GLT6D1: variants seen among roughly 807,000 people sequenced by gnomAD.
GLT6D1 encodes the protein glycosyltransferase 6 domain containing 1.
In GLT6D1, 9 loss-of-function variants were observed where a neutral mutation model predicts 12.3. The observed-to-expected ratio is 0.73, with a 90% CI of 0.44 to 1.27. The LOEUF (loss-of-function observed/expected upper bound fraction) is 1.27, where lower values mean the gene tolerates loss of function less well. Ranked by LOEUF, GLT6D1 falls within the 50% of genes most tolerant of loss-of-function variation. The pLI is 0.00. For synonymous variants in GLT6D1, 128 were observed against 132.3 expected, an observed-to-expected ratio of 0.97 and a Z score of 0.23; for missense variants, 335 against 346.2, an observed-to-expected ratio of 0.97 and a Z score of 0.26.
chr9:135,640,487 G>A (rs2095166), upstream of GLT6D1, among the ~76,000 whole-genome samples: 60,297 of 151,874 alleles, frequency 0.4, 13,047 homozygotes, highest in Middle Eastern at 0.51. Flanking sequence ...TTGGGAGGTC[G>A]AAGGGGGAGG....
At chr9:135,635,146 A>G (rs938073248) in intron 2 of GLT6D1, among the ~76,000 whole-genome samples, 3 of 151,816 alleles carry the variant, frequency 2.0e-5, no homozygotes, top group Non-Finnish European at 4.4e-5. Context: ...TGCTCCTCCA[A>G]TCATTCATTT....
rs1353967944 is a variant in GLT6D1, at chr9:135,624,621, A to C, written c.307T>G (p.Phe103Val). Residue 103 changes from phenylalanine (F) to valine (V), a missense_variant, in exon 5 of 5, where the codon TTC becomes GTC. By Grantham distance (50) the Phe-to-Val change is conservative. Transcript: ENST00000371763. ...AAGATCACTCGGTAGCCTGTCATGA[A>C]GTGCTTATTTGCGGAGTGTAGGAAC... is the stretch of plus-strand genomic sequence containing the variant. ...RPFLHSANKHFMTGYRVIFYI... is the reference protein window; with the variant it reads ...RPFLHSANKHVMTGYRVIFYI... The C allele has an allele frequency of 4.3e-6, 7 of 1,610,988 alleles. No individual in the cohort carries two copies. The highest frequency in any genetic ancestry group is 5.9e-6 in the Non-Finnish European group (7 of 1,178,604).
At chr9:135,633,890 G>C (rs979517153) in intron 2 of GLT6D1, among the ~76,000 whole-genome samples, 1 of 152,110 alleles carries the variant, frequency 6.6e-6, no homozygotes, top group Admixed American at 6.5e-5. Flanking sequence ...ACCAAATAAT[G>C]AGTGAGCACC....
chr9:135,625,939 C>T, intron 4 of GLT6D1, 130 bp downstream of exon 4: 1 of 1,022,266 alleles, frequency 9.8e-7, no homozygotes, highest in South Asian at 1.7e-5. Context: ...GTTTGTTTCT[C>T]CCCAGAAATC....
chr9:135,637,223 A>G (rs1049253929), intron 2 of GLT6D1, among the ~76,000 whole-genome samples: 5 of 150,692 alleles, frequency 3.3e-5, no homozygotes, highest in African/African-American at 4.9e-5. Context: ...TCCTTCTCCT[A>G]TTGAAAGTCG....
At chr9:135,633,215 C>T (rs910997289) in intron 2 of GLT6D1, among the ~76,000 whole-genome samples, 6 of 152,112 alleles carry the variant, frequency 3.9e-5, no homozygotes, top group African/African-American at 1.4e-4. Flanking sequence ...AACAAATATT[C>T]TCGCCGGCTG....
intron 3 of GLT6D1, among the ~76,000 whole-genome samples, chr9:135,630,501 C>T (rs561893828): frequency 4.0e-5 from 6 of 151,856 alleles, no homozygotes; most frequent in South Asian, 4.2e-4. Flanking sequence ...AGGTGGATCA[C>T]CTGTGGTCAG....
intron 3 of GLT6D1, among the ~76,000 whole-genome samples, chr9:135,630,646 G>A (rs1833622217): frequency 6.6e-6 from 1 of 151,436 alleles, no homozygotes; most frequent in Non-Finnish European, 1.5e-5. Flanking sequence ...CTTGACCCAG[G>A]AGGCAGAGGT....
chr9:135,639,579 C>A, upstream of GLT6D1: 1 of 156,938 alleles, frequency 6.4e-6, no homozygotes, highest in Non-Finnish European at 1.4e-5. Context: ...TTCTTTCTTC[C>A]TCACTAAGAT....
At chr9:135,634,952 AGCGCTG>A (rs1248074694) in intron 2 of GLT6D1, among the ~76,000 whole-genome samples, 11 of 152,234 alleles carry the variant, frequency 7.2e-5, no homozygotes, top group Non-Finnish European at 1.6e-4. Flanking sequence ...TTTATAAGAA[AGCGCTG>A]CGCGCAACCC....
chr9:135,624,425 A>C lies in GLT6D1; in HGVS notation c.503T>G (p.Phe168Cys), dbSNP rs1412278753. The change falls in exon 5 of 5, where the codon TTC becomes TGC. Residue 168 changes from phenylalanine (F) to cysteine (C), a missense_variant. Coordinates refer to ENST00000371763, the MANE Select transcript of GLT6D1 (RefSeq NM_182974.3). ...CTGGTTGGCAGCCATGCTGAAGAGG[A>C]AGTCCACCTCGTCCTGGATGTGACT... ...IASHIQDEVD[F>C]LFSMAANQVF... is the part of the protein sequence containing the mutation. The C allele has an allele frequency of 6.2e-7, 1 of 1,614,164 alleles. No individual in the cohort carries two copies. Among genetic ancestry groups the C allele is most frequent in the Non-Finnish European group, 8.5e-7 (1 of 1,180,038 alleles).
At chr9:135,635,397 A>G (rs754496541) in intron 2 of GLT6D1, among the ~76,000 whole-genome samples, 2 of 152,178 alleles carry the variant, frequency 1.3e-5, no homozygotes, top group Admixed American at 6.5e-5. Context: ...CGAATCTAGA[A>G]CCATCCACTT....
intron 2 of GLT6D1, among the ~76,000 whole-genome samples, chr9:135,636,162 C>A (rs945662669): frequency 6.6e-6 from 1 of 152,142 alleles, no homozygotes; most frequent in African/African-American, 2.4e-5. Flanking sequence ...TGAGACCAGC[C>A]TGGCCAACAT....
At chr9:135,631,598 G>A (rs1168168088) in intron 2 of GLT6D1, 120 bp from the exon 3 acceptor site, 1 of 767,312 alleles carries the variant, frequency 1.3e-6, no homozygotes, top group Non-Finnish European at 2.4e-6. Flanking sequence ...CAGAGTCAGG[G>A]GAAGCCTCCC....
At chr9:135,632,049 C>A (rs1042238320) in intron 2 of GLT6D1, among the ~76,000 whole-genome samples, 1 of 151,998 alleles carries the variant, frequency 6.6e-6, no homozygotes, top group Middle Eastern at 3.4e-3. Context: ...TTCAACACTG[C>A]GTTCTTCTAG....
In GLT6D1 at chr9:135,639,310, G is replaced by C; in HGVS notation, c.-24C>G. On this transcript the variant is annotated 5_prime_UTR_variant, in exon 1 of 5. Transcript: ENST00000371763. ...ACACCAACCTTAGAGGTTGCTTCTA[G>C]AATGTTCAGCTGGCAGGAGACAGCG... The C allele has an allele frequency of 1.7e-6, 1 of 574,630 alleles. No individual in the cohort carries two copies. Among genetic ancestry groups the C allele is most frequent in the Non-Finnish European group, 3.1e-6 (1 of 325,282 alleles). The allele number at this position is 574,630 out of a possible 1,614,324, so 35.6% of individuals were successfully genotyped here. A position where few individuals can be genotyped will look rare whatever the true frequency, so the allele number is the denominator to read the frequency against.
rs758652859 is a variant in GLT6D1 at position 135,624,526 on chromosome 9, T to C, written c.402A>G (p.Ala134=). ...ACCACCTCTCGGTGCCCACTTTAAATGCTTTGAACGTTCGAAGAGGACTGG... is the reference window on the plus strand; with the variant it reads ...ACCACCTCTCGGTGCCCACTTTAAACGCTTTGAACGTTCGAAGAGGACTGG... ...IEPSPLRTFK[A]FKVGTERWWL... Residue 134 remains alanine, a synonymous_variant, in exon 5 of 5, where the codon GCA becomes GCG. Coordinates refer to ENST00000371763, the MANE Select transcript of GLT6D1 (RefSeq NM_182974.3). The C allele has an allele frequency of 3.1e-6, 5 of 1,614,050 alleles. No individual in the cohort carries two copies. In the South Asian group the frequency reaches 4.4e-5, roughly 14 times the overall value.
intron 2 of GLT6D1, among the ~76,000 whole-genome samples, chr9:135,635,659 G>A (rs935636327): frequency 2.6e-5 from 4 of 152,224 alleles, no homozygotes; most frequent in African/African-American, 4.8e-5. Flanking sequence ...TGGGTACCAG[G>A]TGTGCTCATT....
At chr9:135,629,637 C>T (rs961344428) in intron 3 of GLT6D1, among the ~76,000 whole-genome samples, 1 of 152,112 alleles carries the variant, frequency 6.6e-6, no homozygotes, top group African/African-American at 2.4e-5. Context: ...TTTAAGCCTT[C>T]TATTTGCTTG....
Sources: allele counts gnomAD v4.1 joint callset (sites outside exome capture counted in the v4.1 genomes callset), GRCh38; gene constraint gnomAD v4.1.1; transcripts MANE v1.5; gene names NCBI Gene and HGNC (gene_info 2026-07-23, HGNC 2026-07-21).